Variants in UNC79 observed in about 807,000 individuals in gnomAD.
UNC79 encodes unc-79 subunit of NALCN channel complex.
A neutral mutation model predicts 283.1 loss-of-function variants in UNC79; 37 were observed. The ratio of observed to expected loss-of-function variants is 0.13; its 90% CI spans 0.10 to 0.17. The LOEUF (loss-of-function observed/expected upper bound fraction) is 0.17, where lower values mean the gene tolerates loss of function less well. Among genes scored for constraint, UNC79 ranks in the 10% least tolerant of loss-of-function variants. UNC79 has a pLI of 1.00. For missense variants in UNC79, 2,272 were observed against 3,211.1 expected (o/e 0.71, Z 7.07); for synonymous variants, 1,107 against 1,200.2 (o/e 0.92, Z 1.61).
intron 30 of UNC79, 28 bp downstream of exon 32, chr14:93,622,869 G>A (rs1162433830): frequency 3.1e-6 from 5 of 1,597,036 alleles, no homozygotes; most frequent in East Asian, 2.2e-5. Flanking sequence ...CTTTCTCTCA[G>A]CCTTAACTTT....
chr14:93,632,731 A>C (rs1428381093), intron 31 of UNC79, among the ~76,000 whole-genome samples: 1 of 152,134 alleles, frequency 6.6e-6, no homozygotes, highest in Non-Finnish European at 1.5e-5. Context: ...GAATTAGAGT[A>C]TAATTTGAAA....
chr14:93,583,224 G>A (rs1384233289), intron 20 of UNC79, among the ~76,000 whole-genome samples: 2 of 152,012 alleles, frequency 1.3e-5, no homozygotes, highest in Non-Finnish European at 2.9e-5. Flanking sequence ...GGGAGATTGA[G>A]GCAGGAGAAT....
At chr14:93,355,047 T>TTTGA (rs1555398314) in intron 1 of UNC79, among the ~76,000 whole-genome samples, 1 of 150,538 alleles carries the variant, frequency 6.6e-6, no homozygotes, top group Admixed American at 6.6e-5. Flanking sequence ...TTTTTTTTTT[T>TTTGA]GACAGAGTTT....
chr14:93,692,377 A>C (rs928359754), intron 46 of UNC79, among the ~76,000 whole-genome samples: 3 of 152,244 alleles, frequency 2.0e-5, no homozygotes, highest in Non-Finnish European at 4.4e-5. Flanking sequence ...AGTTATTAAT[A>C]TTAAAAACAA....
At chr14:93,407,577 T>A (rs2055251876) in intron 1 of UNC79, among the ~76,000 whole-genome samples, 1 of 152,156 alleles carries the variant, frequency 6.6e-6, no homozygotes, top group South Asian at 2.1e-4. Context: ...GGTCTGTCCT[T>A]AAAGGAAACT....
intron 1 of UNC79, among the ~76,000 whole-genome samples, chr14:93,337,895 C>T (rs543546588): frequency 2.0e-4 from 30 of 152,168 alleles, no homozygotes; most frequent in African/African-American, 4.8e-4. Flanking sequence ...CAGTAGAAGC[C>T]GCTTGTGGTA....
intron 1 of UNC79, among the ~76,000 whole-genome samples, chr14:93,466,241 G>A (rs2057173565): frequency 1.3e-5 from 2 of 152,208 alleles, no homozygotes; most frequent in South Asian, 2.1e-4. Context: ...TTCAGGTAGT[G>A]GAAGAGAGAA....
intron 1 of UNC79, among the ~76,000 whole-genome samples, chr14:93,409,042 C>G (rs2055283683): frequency 6.6e-6 from 1 of 152,224 alleles, no homozygotes; most frequent in Non-Finnish European, 1.5e-5. Flanking sequence ...CACTATACTG[C>G]TTTTATTCAG....
chr14:93,611,219 G>A lies in UNC79; in HGVS notation c.3755-1578G>A, dbSNP rs187434075. 1.7e-3 allele frequency among the ~76,000 whole-genome samples: 261 copies of A among 152,246 alleles called. 2 individuals are homozygous for A. Among genetic ancestry groups the A allele is most frequent in the African/African-American group, 5.8e-3 (239 of 41,530 alleles). On this transcript the variant is annotated intron_variant, in intron 26 of 48. Transcript: ENST00000555664. ...TTGATAAAAAGTTTCTCTAAAGTGC[G>A]TCATACATACTCATTCCTTCATGAA...
chr14:93,547,227 G>A (rs558184776), intron 14 of UNC79, among the ~76,000 whole-genome samples: 10 of 152,274 alleles, frequency 6.6e-5, no homozygotes, highest in Admixed American at 4.6e-4. Flanking sequence ...TATAATTCCC[G>A]AAATATTTGT....
chr14:93,474,415 T>C lies in UNC79; in HGVS notation c.448+22T>C, dbSNP rs2057684141. ...CACGGTGAGCACTTAGCTGAAACCT[T>C]TGGAAATGTACGTGGATGCTTATGA... On this transcript the variant is annotated intron_variant, in intron 3 of 48. Transcript: ENST00000555664. The surrounding 1 kb of genome is among the most constrained non-coding windows in gnomAD (Gnocchi z 4.1). 2 of 1,526,734 alleles carry C rather than the reference T, an allele frequency of 1.3e-6. No individual in the cohort carries two copies. The highest frequency in any genetic ancestry group is 1.2e-5 in the South Asian group (1 of 83,032). 94.6% of individuals were successfully genotyped at this position (1,526,734 alleles called of 1,614,324 possible). A position where few individuals can be genotyped will look rare whatever the true frequency, so the allele number is the denominator to read the frequency against.
intron 1 of UNC79, among the ~76,000 whole-genome samples, chr14:93,355,226 C>T (rs2054062058): frequency 6.6e-6 from 1 of 151,910 alleles, no homozygotes; most frequent in Admixed American, 6.6e-5. Context: ...CAGAGTTTTG[C>T]TCTTTCGCCC....
chr14:93,580,711 G>C (rs2063744207), intron 19 of UNC79, among the ~76,000 whole-genome samples: 1 of 152,150 alleles, frequency 6.6e-6, no homozygotes, highest in South Asian at 2.1e-4. Flanking sequence ...ACTGTAAAAT[G>C]TATTTTTTTT....
At chr14:93,486,077 A>G (rs944642224) in intron 4 of UNC79, among the ~76,000 whole-genome samples, 3 of 152,182 alleles carry the variant, frequency 2.0e-5, no homozygotes, top group Non-Finnish European at 4.4e-5. Context: ...TTTAATATAA[A>G]ATAAAATAAA....
At chr14:93,388,876 T>C (rs531577277) in intron 1 of UNC79, among the ~76,000 whole-genome samples, 112 of 152,344 alleles carry the variant, frequency 7.4e-4, no homozygotes, top group South Asian at 1.2e-3. Flanking sequence ...GTTCAGAGAA[T>C]AATTGATCAA....
intron 1 of UNC79, among the ~76,000 whole-genome samples, chr14:93,419,684 A>G (rs2055548921): frequency 6.6e-6 from 1 of 151,786 alleles, no homozygotes; most frequent in Non-Finnish European, 1.5e-5. Context: ...ATAATGGGTT[A>G]TAAGATAGTA....
At chr14:93,376,172 G>T (rs527714074) in intron 1 of UNC79, among the ~76,000 whole-genome samples, 1 of 152,304 alleles carries the variant, frequency 6.6e-6, no homozygotes, top group South Asian at 2.1e-4. Context: ...TTATAACAAG[G>T]TGTTTAAGTT....
chr14:93,567,171 A>T (rs572684495), intron 14 of UNC79, among the ~76,000 whole-genome samples: 22 of 152,282 alleles, frequency 1.4e-4, no homozygotes, highest in Middle Eastern at 6.8e-3. Flanking sequence ...TGTTCACAAA[A>T]GGCAAATGCC....
chr14:93,707,548 T>C (rs1447679638), downstream of UNC79: 1 of 152,276 alleles, frequency 6.6e-6, no homozygotes, highest in East Asian at 1.9e-4. Flanking sequence ...TACTCTCTTG[T>C]AAGCTTTATG....
Sources: gnomAD v4.1 joint callset for allele counts (sites outside exome capture counted in the v4.1 genomes callset) on GRCh38, gnomAD v4.1.1 for gene constraint, Gnocchi (gnomAD v3.1) non-coding constraint, MANE v1.5 for transcripts, NCBI Gene and HGNC (gene_info 2026-07-23, HGNC 2026-07-21) for gene names.